Variants in MAPKAPK5 observed in about 807,000 individuals in gnomAD.
The protein encoded by MAPKAPK5 is MAPK activated protein kinase 5.
MAPKAPK5 carries 30 observed loss-of-function variants against 65.1 expected under a neutral mutation model. That is an observed-to-expected ratio of 0.46 (90% CI 0.34 to 0.63). MAPKAPK5 has a LOEUF of 0.63. Among genes scored for constraint, MAPKAPK5 ranks in the 20% least tolerant of loss-of-function variants. The pLI is 0.01. For synonymous variants in MAPKAPK5, 179 were observed against 204.6 expected (o/e 0.87, Z 1.07); for missense variants, 433 against 581.4 (o/e 0.74, Z 2.63).
At position 111,868,860 on chromosome 12, in the gene MAPKAPK5, A is replaced by T; in HGVS notation, c.392A>T (p.Gln131Leu). The change falls in exon 5 of 14, where the codon CAG becomes CTG. Residue 131 changes from glutamine (Q) to leucine (L), a missense_variant and splice_region_variant. Gln to Leu is a moderately radical substitution (Grantham distance 113, BLOSUM62 -2). This residue lies in a region of MAPKAPK5 where 165 missense variants were observed against 180.0 expected (regional missense o/e 0.92). Coordinates refer to ENST00000550735, the MANE Select transcript of MAPKAPK5 (RefSeq NM_003668.4). The part of the protein sequence containing the change: ...TEKQASQVTK[Q>L]IALALRHCHL... ...AAGCAAGCCAGCCAAGTAACAAAGC[A>T]GGCAAGTTAACCCCAGGTACCAATC... 1 of 1,556,320 alleles carries T rather than the reference A, an allele frequency of 6.4e-7. No homozygotes were observed. Among genetic ancestry groups the T allele is most frequent in the Non-Finnish European group, 8.7e-7 (1 of 1,149,936 alleles).
At chr12:111,884,234 G>C (rs1273892945) in intron 9 of MAPKAPK5, among the ~76,000 whole-genome samples, 1 of 152,108 alleles carries the variant, frequency 6.6e-6, no homozygotes, top group Non-Finnish European at 1.5e-5. Context: ...GCTTTGAGAT[G>C]GAGTCTCGCT....
chr12:111,848,923 T>A (rs995187946), intron 1 of MAPKAPK5, among the ~76,000 whole-genome samples: 1 of 151,594 alleles, frequency 6.6e-6, no homozygotes, highest in African/African-American at 2.4e-5. Flanking sequence ...TTTTATTTTT[T>A]TATTTATTTT....
rs745708367 is a variant in MAPKAPK5, at chr12:111,901,384, G to GTAAGC, written c.*8326_*8330dup. On this transcript the variant is annotated 3_prime_UTR_variant, in exon 14 of 14. Transcript: ENST00000550735. ...GGTAGTGTGGACAGTGGCCCTCCTGGTAAGCTAGGTGGGACACCTTCAGGA... is the reference window on the plus strand; with the variant it reads ...GGTAGTGTGGACAGTGGCCCTCCTGGTAAGCTAAGCTAGGTGGGACACCTTCAGGA... The GTAAGC allele has an allele frequency of 9.6e-5, 44 of 456,068 alleles. No individual in the cohort carries two copies. Among genetic ancestry groups the GTAAGC allele is most frequent in the Admixed American group, 2.8e-4 (12 of 42,570 alleles). The allele number at this position is 456,068 out of a possible 1,614,324, so 28.3% of individuals were successfully genotyped here.
chr12:111,863,196 T>C lies in MAPKAPK5; in HGVS notation c.37-2054T>C, dbSNP rs1020035163. On this transcript the variant is annotated intron_variant, in intron 1 of 13. Coordinates refer to ENST00000550735, the MANE Select transcript of MAPKAPK5 (RefSeq NM_003668.4). ...AGTGCCCATAACTCACTGTGTGACCTTGACAAGCTCCATAATCCTGACGCA... is the reference window on the plus strand; with the variant it reads ...AGTGCCCATAACTCACTGTGTGACCCTGACAAGCTCCATAATCCTGACGCA... Among the ~76,000 whole-genome samples the C allele has an allele frequency of 5.9e-5, 9 of 152,320 alleles. No individual in the cohort carries two copies. The South Asian group carries it at 1.7e-3, about 28-fold the overall frequency.
At chr12:111,882,976 G>A (rs1304227223) in intron 8 of MAPKAPK5, 1 of 332,252 alleles carries the variant, frequency 3.0e-6, no homozygotes, top group African/African-American at 2.2e-5. Context: ...GGATCAGATA[G>A]GTGCTTGGGC....
chr12:111,845,270 G>A (rs983105868), intron 1 of MAPKAPK5, among the ~76,000 whole-genome samples: 3 of 151,972 alleles, frequency 2.0e-5, no homozygotes, highest in Non-Finnish European at 4.4e-5. Context: ...GACTACAGGC[G>A]CACACCACCA....
At position 111,883,208 on chromosome 12, in the gene MAPKAPK5, T is replaced by TA. The variant is rs1228820378; in HGVS notation, c.661-363dup. The stretch of plus-strand genomic sequence containing the variant: ...CAACATGGTGAAAGCCTATCTCTAC[T>TA]AAAAAAAAAATACAAAAATTAGCCA... On this transcript the variant is annotated intron_variant, in intron 8 of 13. Transcript: ENST00000550735. The surrounding 1 kb of genome is among the most constrained non-coding windows in gnomAD (Gnocchi z 4.8). Among the ~76,000 whole-genome samples, 74 of 148,396 alleles carry TA rather than the reference T, an allele frequency of 5.0e-4. 1 individual carries two copies. Among genetic ancestry groups the TA allele is most frequent in the East Asian group, 2.9e-3 (15 of 5,086 alleles).
intron 13 of MAPKAPK5, among the ~76,000 whole-genome samples, chr12:111,891,742 G>T (rs1052895539): frequency 9.9e-5 from 15 of 151,330 alleles, no homozygotes; most frequent in Non-Finnish European, 2.1e-4. Flanking sequence ...GGGAGGCGGA[G>T]GTTGCAGTGA....
At chr12:111,891,637 C>CAA (rs78504500) in intron 13 of MAPKAPK5, among the ~76,000 whole-genome samples, 24,226 of 85,976 alleles carry the variant, frequency 0.28, 2,584 homozygotes, top group Middle Eastern at 0.37. Context: ...ACTAAAAATA[C>CAA]AAAAAAAAAA....
rs1472849175 is a variant in MAPKAPK5 at position 111,901,416 on chromosome 12, G to GA, written c.*8359dup. ...AGGTGGGACACCTTCAGGAGAAGGT[G>GA]AAAATCACAATATGACTCATTCCAG... On this transcript the variant is annotated 3_prime_UTR_variant, in exon 14 of 14. Transcript: ENST00000550735. The GA allele has an allele frequency of 6.6e-6, 3 of 456,050 alleles. No individual in the cohort carries two copies. The highest frequency in any genetic ancestry group is 4.0e-5 in the African/African-American group (2 of 50,184). The allele number at this position is 456,050 out of a possible 1,614,324, so 28.3% of individuals were successfully genotyped here.
chr12:111,863,178 A>T (rs2069499076), intron 1 of MAPKAPK5, among the ~76,000 whole-genome samples: 1 of 152,208 alleles, frequency 6.6e-6, no homozygotes, highest in Non-Finnish European at 1.5e-5. Context: ...GATAGTGCCC[A>T]TAACTCACTG....
Position 111,842,601 on chromosome 12 carries a change from C to A in MAPKAPK5, c.-133C>A. 1 of 520,954 alleles carries A rather than the reference C, an allele frequency of 1.9e-6. No homozygotes were observed. Among genetic ancestry groups the A allele is most frequent in the Non-Finnish European group, 3.1e-6 (1 of 324,296 alleles). 32.3% of individuals were successfully genotyped at this position (520,954 alleles called of 1,614,324 possible). A position where few individuals can be genotyped will look rare whatever the true frequency, so the allele number is the denominator to read the frequency against. On this transcript the variant is annotated 5_prime_UTR_variant, in exon 1 of 14. Transcript: ENST00000550735. ...CGCCGGGGTCCTCATCCCCACCGGT[C>A]CCGAGGGGCGGCTGCTGCCCGTCGC...
chr12:111,871,240 C>T (rs1173795300), intron 7 of MAPKAPK5, 60 bp downstream of exon 7: 27 of 1,392,044 alleles, frequency 1.9e-5, no homozygotes, highest in Non-Finnish European at 2.7e-5. Context: ...AACTCGTGTT[C>T]CTTCTATTCT....
At chr12:111,861,447 A>G (rs974242361) in intron 1 of MAPKAPK5, among the ~76,000 whole-genome samples, 10 of 151,458 alleles carry the variant, frequency 6.6e-5, no homozygotes, top group South Asian at 2.1e-4. Context: ...TCCTGCCTCA[A>G]CCTCCCAAGT....
At chr12:111,853,781 C>T (rs757146219) in intron 1 of MAPKAPK5, among the ~76,000 whole-genome samples, 26 of 152,160 alleles carry the variant, frequency 1.7e-4, no homozygotes, top group Non-Finnish European at 3.1e-4. Context: ...GTGATCCACC[C>T]GCCTTGGCCT....
At chr12:111,890,543 C>G (rs769607333) in intron 13 of MAPKAPK5, among the ~76,000 whole-genome samples, 2 of 152,160 alleles carry the variant, frequency 1.3e-5, no homozygotes, top group African/African-American at 4.8e-5. Context: ...CTGCTGATCC[C>G]GCTGATCTGC....
chr12:111,892,885 G>A (rs533345058), intron 13 of MAPKAPK5, 82 bp from the exon 14 acceptor site: 1 of 955,174 alleles, frequency 1.0e-6, no homozygotes, highest in Admixed American at 2.2e-5. Context: ...TACTGGTAAG[G>A]TGGACCTTAT....
At chr12:111,891,738 C>T (rs1489948647) in intron 13 of MAPKAPK5, among the ~76,000 whole-genome samples, 3 of 149,416 alleles carry the variant, frequency 2.0e-5, no homozygotes, top group Admixed American at 6.7e-5. Flanking sequence ...ACCTGGGAGG[C>T]GGAGGTTGCA....
At chr12:111,880,639 C>T (rs2070168491) in intron 8 of MAPKAPK5, 112 bp downstream of exon 8, 3 of 875,750 alleles carry the variant, frequency 3.4e-6, no homozygotes, top group African/African-American at 1.7e-5. Context: ...CTTAATATTC[C>T]TGCCCCAAAG....
Sources: gnomAD v4.1 joint callset for allele counts (sites outside exome capture counted in the v4.1 genomes callset) on GRCh38, gnomAD v4.1.1 for gene constraint, gnomAD v4.1.1 regional missense constraint, Gnocchi (gnomAD v3.1) non-coding constraint, MANE v1.5 for transcripts, NCBI Gene and HGNC (gene_info 2026-07-23, HGNC 2026-07-21) for gene names.